Variants in TFAP2B observed in about 807,000 individuals in gnomAD.
TFAP2B encodes the protein transcription factor AP-2-beta.
In TFAP2B, 9 loss-of-function variants were observed where a neutral mutation model predicts 44.3. The ratio of observed to expected loss-of-function variants is 0.20; its 90% CI spans 0.12 to 0.35. TFAP2B has a LOEUF of 0.35. TFAP2B is among the 10% of genes least tolerant of loss of function. The pLI is 1.00. For synonymous variants in TFAP2B, 270 were observed against 263.8 expected (o/e 1.02, Z -0.23); for missense variants, 509 against 600.0 (o/e 0.85, Z 1.59).
chr6:50,831,959 G>A (rs777232957), intron 3 of TFAP2B, among the ~76,000 whole-genome samples: 14 of 152,080 alleles, frequency 9.2e-5, no homozygotes, highest in Non-Finnish European at 1.9e-4. Context: ...TTTCTTTCCC[G>A]TTAGTTCTGG....
At chr6:50,821,921 G>T in intron 1 of TFAP2B, 1 of 294,094 alleles carries the variant, frequency 3.4e-6, no homozygotes, top group Non-Finnish European at 6.4e-6. Context: ...AGACAGCAAA[G>T]AGACAGATGA....
At position 50,845,342 on chromosome 6, in the gene TFAP2B, C is replaced by G. The variant is rs61236902; in HGVS notation, c.*1950C>G. 0.14 allele frequency: 21,329 copies of G among 151,958 alleles called. 1,620 individuals carry two copies. The highest frequency in any genetic ancestry group is 0.2 in the African/African-American group (8,185 of 41,418). The allele number at this position is 151,958 out of a possible 1,614,324, so 9.4% of individuals were successfully genotyped here. ...GTGGGGATTGGGGGAGTGGGGATTG[C>G]GTTGGGGTTTTAGGAATCTGCTGAG... On this transcript the variant is annotated 3_prime_UTR_variant, in exon 7 of 7. Transcript: ENST00000393655.
At chr6:50,832,474 T>C (rs923596953) in intron 3 of TFAP2B, among the ~76,000 whole-genome samples, 3 of 152,182 alleles carry the variant, frequency 2.0e-5, no homozygotes, top group African/African-American at 7.2e-5. Flanking sequence ...CACTTATACA[T>C]GCACTATAGT....
At chr6:50,833,952 CTAATT>C (rs1029744900) in intron 3 of TFAP2B, among the ~76,000 whole-genome samples, 16 of 152,080 alleles carry the variant, frequency 1.1e-4, no homozygotes, top group African/African-American at 3.9e-4. Flanking sequence ...AGATTTTTAT[CTAATT>C]TATTTCTATA....
At chr6:50,835,408 TG>T (rs1269119609) in intron 3 of TFAP2B, among the ~76,000 whole-genome samples, 1 of 152,210 alleles carries the variant, frequency 6.6e-6, no homozygotes, top group Non-Finnish European at 1.5e-5. Context: ...GTTGTTATTA[TG>T]TAGGGAAGAA....
rs1398936717 is a variant in TFAP2B, at chr6:50,846,261, G to A, written c.*2869G>A. ...CTCCCTCCCTCACTTCTCCTTTCAT[G>A]TAGGACCCCCGCCCCCTTGCTTTCC... On this transcript the variant is annotated 3_prime_UTR_variant, in exon 7 of 7. Transcript: ENST00000393655. 1 of 151,898 alleles carries A rather than the reference G, an allele frequency of 6.6e-6. No individual in the cohort carries two copies. The highest frequency in any genetic ancestry group is 1.5e-5 in the Non-Finnish European group (1 of 67,962). 9.4% of individuals were successfully genotyped at this position (151,898 alleles called of 1,614,324 possible). A position where few individuals can be genotyped will look rare whatever the true frequency, so the allele number is the denominator to read the frequency against.
chr6:50,822,170 G>T, intron 1 of TFAP2B: 4 of 1,303,596 alleles, frequency 3.1e-6, no homozygotes, highest in Non-Finnish European at 4.0e-6. Flanking sequence ...GGTGAGTTTG[G>T]ATTCACGTGT....
chr6:50,822,474 C>T (rs1175796788), intron 1 of TFAP2B, among the ~76,000 whole-genome samples: 1 of 152,074 alleles, frequency 6.6e-6, no homozygotes, highest in African/African-American at 2.4e-5. Context: ...GGGAGTTTAC[C>T]ATGATGTTTC....
At chr6:50,837,906 T>A in intron 4 of TFAP2B, 69 bp from the exon 5 acceptor site, 6 of 1,276,750 alleles carry the variant, frequency 4.7e-6, no homozygotes, top group Non-Finnish European at 6.9e-6. Context: ...GGGCTTTAGA[T>A]TGCTAAGTCT....
chr6:50,843,037 G>A, intron 6 of TFAP2B, 55 bp from the exon 7 acceptor site: 1 of 1,610,684 alleles, frequency 6.2e-7, no homozygotes, highest in Non-Finnish European at 8.5e-7. Context: ...CCTTTCTAAT[G>A]CCAATGACAA....
rs928344010 is a variant in TFAP2B, at chr6:50,845,590, C to T, written c.*2198C>T. On this transcript the variant is annotated 3_prime_UTR_variant, in exon 7 of 7. Transcript: ENST00000393655. ...GAGTGTAGTCACTCTCTTTTCCCAG[C>T]TCAGAGGCCTGCGCCTTCGTCCGAG... The T allele has an allele frequency of 3.9e-5, 6 of 152,826 alleles. No individual in the cohort carries two copies. The highest frequency in any genetic ancestry group is 1.2e-4 in the African/African-American group (5 of 41,474). The allele number at this position is 152,826 out of a possible 1,614,324, so 9.5% of individuals were successfully genotyped here. A position where few individuals can be genotyped will look rare whatever the true frequency, so the allele number is the denominator to read the frequency against.
At chr6:50,836,420 C>A in intron 4 of TFAP2B, 140 bp downstream of exon 4, 1 of 797,010 alleles carries the variant, frequency 1.3e-6, no homozygotes, top group Non-Finnish European at 2.1e-6. Context: ...ACCGGGTGGC[C>A]GGAGCATTGC....
At chr6:50,833,686 G>C (rs1030190709) in intron 3 of TFAP2B, among the ~76,000 whole-genome samples, 3 of 152,106 alleles carry the variant, frequency 2.0e-5, no homozygotes, top group Non-Finnish European at 2.9e-5. Context: ...AGCTCTTGTC[G>C]GGTGAATCAG....
chr6:50,829,063 T>C (rs1240144723), intron 3 of TFAP2B, among the ~76,000 whole-genome samples: 1 of 152,262 alleles, frequency 6.6e-6, no homozygotes, highest in Admixed American at 6.5e-5. Context: ...AAAGCTTATG[T>C]TATTGAGATA....
Position 50,823,439 on chromosome 6 carries a change from G to T in TFAP2B, c.114G>T (p.Ser38=). 3.7e-6 allele frequency: 6 copies of T among 1,605,714 alleles called. No homozygotes were observed. Among genetic ancestry groups the T allele is most frequent in the South Asian group, 1.1e-5 (1 of 89,752 alleles). The stretch of plus-strand genomic sequence containing the variant: ...ACGATGGTGTCCCGAGCCACAGCTC[G>T]CGGCTCTCCCAGCTGGGCTCGGTGT... ...DRHDGVPSHS[S]RLSQLGSVSQ... The change falls in exon 2 of 7, where the codon TCG becomes TCT. Residue 38 remains serine, a synonymous_variant. Transcript: ENST00000393655.
rs1268613491 is a variant in TFAP2B, at chr6:50,845,063, C to G, written c.*1671C>G. 1 of 152,134 alleles carries G rather than the reference C, an allele frequency of 6.6e-6. No homozygotes were observed. Among genetic ancestry groups the G allele is most frequent in the Non-Finnish European group, 1.5e-5 (1 of 68,026 alleles). The allele number at this position is 152,134 out of a possible 1,614,324, so 9.4% of individuals were successfully genotyped here. A position where few individuals can be genotyped will look rare whatever the true frequency, so the allele number is the denominator to read the frequency against. On this transcript the variant is annotated 3_prime_UTR_variant, in exon 7 of 7. Transcript: ENST00000393655. Reference sequence around the variant, plus strand: ...TTCTTGGGCTCCATCTTAGCATTATCATGAAATAAGATCTGGAATCCATTG... The same window carrying G: ...TTCTTGGGCTCCATCTTAGCATTATGATGAAATAAGATCTGGAATCCATTG...
chr6:50,819,256 C>G (rs1267669768), intron 1 of TFAP2B, among the ~76,000 whole-genome samples: 1 of 137,476 alleles, frequency 7.3e-6, no homozygotes, highest in Non-Finnish European at 1.6e-5. Context: ...CCCTTTTAAG[C>G]TCTGATGGGG....
In TFAP2B at chr6:50,823,738, G is replaced by A; in HGVS notation, c.413G>A (p.Arg138Gln). Reference protein sequence around the residue: ...ALPQLSGLDPRRDYHSVRRPD... With the variant: ...ALPQLSGLDPQRDYHSVRRPD... Reference sequence around the variant, plus strand: ...CCCCAGCTCTCGGGCCTTGACCCCCGGAGGGACTACCACTCGGTCCGCCGG... The same window carrying A: ...CCCCAGCTCTCGGGCCTTGACCCCCAGAGGGACTACCACTCGGTCCGCCGG... The change falls in exon 2 of 7, where the codon CGG becomes CAG. Residue 138 changes from arginine to glutamine, a missense_variant. Physicochemically the swap from Arg to Gln is conservative, Grantham distance 43. This residue lies in a region of TFAP2B where 296 missense variants were observed against 308.2 expected (regional missense o/e 0.96). Transcript: ENST00000393655. 3 of 1,610,916 alleles carry A rather than the reference G, an allele frequency of 1.9e-6. No homozygotes were observed. Among genetic ancestry groups the A allele is most frequent in the Non-Finnish European group, 8.5e-7 (1 of 1,178,636 alleles).
chr6:50,828,031 C>G (rs1318372359), intron 2 of TFAP2B, among the ~76,000 whole-genome samples: 1 of 152,086 alleles, frequency 6.6e-6, no homozygotes, highest in African/African-American at 2.4e-5. Context: ...TGTGAAGGTT[C>G]CTCCAAGAGA....
Sources: gnomAD v4.1 joint callset for allele counts (sites outside exome capture counted in the v4.1 genomes callset) on GRCh38, gnomAD v4.1.1 for gene constraint, gnomAD v4.1.1 regional missense constraint, MANE v1.5 for transcripts, NCBI Gene and HGNC (gene_info 2026-07-23, HGNC 2026-07-21) for gene names.